PAX2: variants seen among roughly 807,000 people sequenced by gnomAD.
PAX2 encodes paired box protein Pax-2.
A neutral mutation model predicts 41.7 loss-of-function variants in PAX2; 9 were observed. The ratio of observed to expected loss-of-function variants is 0.22; its 90% confidence interval spans 0.13 to 0.38. The LOEUF is 0.38. Among genes scored for constraint, PAX2 ranks in the 10% least tolerant of loss-of-function variants. The pLI is 1.00. For synonymous variants in PAX2, 221 were observed against 212.7 expected (o/e 1.04, Z -0.34); for missense variants, 418 against 531.6 (o/e 0.79, Z 2.10).
Position 100,829,457 on chromosome 10 carries a change from T to G in PAX2, c.*1838T>G. On this transcript the variant is annotated 3_prime_UTR_variant, in exon 10 of 10. Transcript: ENST00000355243. ...GGCGGCCGAAGGCCGGGCCGCCCCG[T>G]CCCGCCCCGTAGTTGCTCTTTCGGT... is the stretch of plus-strand genomic sequence containing the variant. The G allele has an allele frequency of 4.9e-6, 1 of 205,910 alleles. No homozygotes were observed. The allele number at this position is 205,910 out of a possible 1,614,324, so 12.8% of individuals were successfully genotyped here.
At chr10:100,804,977 TTC>T (rs1218429788) in intron 5 of PAX2, among the ~76,000 whole-genome samples, 11 of 71,908 alleles carry the variant, frequency 1.5e-4, no homozygotes, top group Admixed American at 2.7e-4. Context: ...CTCTCTCTCC[TTC>T]TCTCTCTCTC....
rs1367276466 is a variant in PAX2, at chr10:100,827,061, C to T, written c.1074C>T (p.Asn358=). ...PYSHPQYTAY[N]EAWRFSNPAL... is the part of the protein sequence containing the mutation. ...GCCACCCCCAGTACACGGCCTACAA[C>T]GAGGCTTGGAGATTCAGCAACCCCG... is the stretch of plus-strand genomic sequence containing the variant. The change falls in exon 9 of 10, where the codon AAC becomes AAT. Residue 358 remains asparagine, a synonymous_variant. Coordinates refer to ENST00000355243, the MANE Select transcript of PAX2 (RefSeq NM_000278.5). This position sits in a 1 kb window ranked among gnomAD's most constrained non-coding sequence, Gnocchi z 8.5. 1.2e-6 allele frequency: 2 copies of T among 1,613,636 alleles called. No individual in the cohort carries two copies. The highest frequency in any genetic ancestry group is 1.1e-5 in the South Asian group (1 of 91,086).
rs1305336302 is a variant in PAX2, at chr10:100,746,289, TCTC to T, written c.31_33del (p.Ser11del). 2 of 1,610,902 alleles carry T rather than the reference TCTC, an allele frequency of 1.2e-6. No individual in the cohort carries two copies. The highest frequency in any genetic ancestry group is 8.5e-7 in the Non-Finnish European group (1 of 1,177,248). On this transcript the variant is annotated inframe_deletion, in exon 1 of 10. Coordinates refer to ENST00000355243, the MANE Select transcript of PAX2 (RefSeq NM_000278.5). ...GATATGCACTGCAAAGCAGACCCCT[TCTC>T]CGCGATGCACCGTGAGTACCGGCGC...
intron 5 of PAX2, chr10:100,787,161 A>C: frequency 2.5e-6 from 1 of 402,024 alleles, no homozygotes; most frequent in Non-Finnish European, 5.0e-6. Flanking sequence ...CTGGAGGCTA[A>C]CAGAGTCTCA....
intron 5 of PAX2, 104 bp downstream of exon 5, chr10:100,781,469 AT>A: frequency 8.1e-7 from 1 of 1,237,434 alleles, no homozygotes; most frequent in Non-Finnish European, 1.2e-6. Flanking sequence ...TGTGAGATCA[AT>A]TTTAGTAGCA....
At chr10:100,759,354 G>A (rs1845755630) in intron 3 of PAX2, among the ~76,000 whole-genome samples, 1 of 152,236 alleles carries the variant, frequency 6.6e-6, no homozygotes. Flanking sequence ...AGCCCTTTCT[G>A]AGAGGAAACC....
chr10:100,746,266 T>A lies in PAX2; in HGVS notation c.6T>A (p.Asp2Glu). Residue 2 changes from aspartate to glutamate, a missense_variant, in exon 1 of 10, where the codon GAT (aspartate) becomes GAA (glutamate). By Grantham distance (45) the Asp-to-Glu change is conservative. Transcript: ENST00000355243. ...TCCCGCTCCTCTGCCTCCCCATGGA[T>A]ATGCACTGCAAAGCAGACCCCTTCT... M[D>E]MHCKADPFSA... 1 of 1,613,522 alleles carries A rather than the reference T, an allele frequency of 6.2e-7. No individual in the cohort carries two copies. The highest frequency in any genetic ancestry group is 8.5e-7 in the Non-Finnish European group (1 of 1,179,656).
In PAX2 at chr10:100,791,262, T is replaced by C. The variant is rs192726262; in HGVS notation, c.616+9897T>C. On this transcript the variant is annotated intron_variant, in intron 5 of 9. Coordinates refer to ENST00000355243, the MANE Select transcript of PAX2 (RefSeq NM_000278.5). The surrounding 1 kb of genome is among the most constrained non-coding windows in gnomAD (Gnocchi z 4.5). ...CCTTTCCAGGACTGGGGCTGGGGCT[T>C]TATCCTGCAGGCAGAGCTTTTACAC... Among the ~76,000 whole-genome samples, 410 of 152,338 alleles carry C rather than the reference T, an allele frequency of 2.7e-3. 1 individual carries two copies. Among genetic ancestry groups the C allele is most frequent in the African/African-American group, 7.6e-3 (318 of 41,582 alleles).
In PAX2 at chr10:100,828,742, C is replaced by T; in HGVS notation, c.*1123C>T. 8.6e-6 allele frequency: 2 copies of T among 233,720 alleles called. No individual in the cohort carries two copies. Among genetic ancestry groups the T allele is most frequent in the African/African-American group, 2.2e-5 (1 of 45,452 alleles). The allele number at this position is 233,720 out of a possible 1,614,324, so 14.5% of individuals were successfully genotyped here. On this transcript the variant is annotated 3_prime_UTR_variant, in exon 10 of 10. Transcript: ENST00000355243. This position sits in a 1 kb window ranked among gnomAD's most constrained non-coding sequence, Gnocchi z 6.5. Reference sequence around the variant, plus strand: ...GCCCACTCCACTCCTCCCATCCCCTCCCAGCCTCCTCCTCCGGCAGGAACT... The same window carrying T: ...GCCCACTCCACTCCTCCCATCCCCTTCCAGCCTCCTCCTCCGGCAGGAACT...
Position 100,750,689 on chromosome 10 carries a change from C to T in PAX2, c.213-5C>T, listed in dbSNP as rs767757944. On this transcript the variant is annotated splice_region_variant and splice_polypyrimidine_tract_variant and intron_variant, in intron 2 of 9. Coordinates refer to ENST00000355243, the MANE Select transcript of PAX2 (RefSeq NM_000278.5). This position sits in a 1 kb window ranked among gnomAD's most constrained non-coding sequence, Gnocchi z 4.1. The stretch of plus-strand genomic sequence containing the variant: ...TGGCTGACCCCGCCGGCTTTCCCGG[C>T]GCAGGTACTACGAGACCGGCAGCAT... 2.9e-5 allele frequency: 46 copies of T among 1,613,636 alleles called. 1 individual carries two copies. The highest frequency in any genetic ancestry group is 2.2e-4 in the Admixed American group (13 of 60,010).
At position 100,808,112 on chromosome 10, in the gene PAX2, C is replaced by G. The variant is rs968804593; in HGVS notation, c.793-998C>G. Among the ~76,000 whole-genome samples, 4 of 152,266 alleles carry G rather than the reference C, an allele frequency of 2.6e-5. 1 individual carries two copies. The highest frequency in any genetic ancestry group is 2.6e-4 in the Admixed American group (4 of 15,300). ...CACAGTCATTTTTCCCCCTGAAACT[C>G]GGAGCAGGGCCCATAAAGCAAATCC... is the stretch of plus-strand genomic sequence containing the variant. On this transcript the variant is annotated intron_variant, in intron 6 of 9. Transcript: ENST00000355243.
intron 3 of PAX2, among the ~76,000 whole-genome samples, chr10:100,766,555 G>A (rs1300663083): frequency 6.6e-6 from 1 of 152,194 alleles, no homozygotes; most frequent in Non-Finnish European, 1.5e-5. Context: ...TTTGGACTAG[G>A]GGCTTAACTC....
chr10:100,751,349 C>T lies in PAX2; in HGVS notation c.410+458C>T, dbSNP rs117550630. On this transcript the variant is annotated intron_variant, in intron 3 of 9. Coordinates refer to ENST00000355243, the MANE Select transcript of PAX2 (RefSeq NM_000278.5). ...CCCTGCCAACTCCCACAAAGCTCACCTCCCAGGAGTCTGGTCTTGCTAGCC... is the reference window on the plus strand; with the variant it reads ...CCCTGCCAACTCCCACAAAGCTCACTTCCCAGGAGTCTGGTCTTGCTAGCC... 1.2e-3 allele frequency among the ~76,000 whole-genome samples: 184 copies of T among 152,352 alleles called. 3 individuals are homozygous for T. In the East Asian group the frequency reaches 0.034, roughly 28 times the overall value.
intron 3 of PAX2, among the ~76,000 whole-genome samples, chr10:100,777,238 A>T (rs931226388): frequency 1.3e-5 from 2 of 150,496 alleles, no homozygotes; most frequent in East Asian, 3.9e-4. Context: ...AGTAGCTGGG[A>T]TTACAGGTGC....
chr10:100,826,976 G>T lies in PAX2; in HGVS notation c.1022-33G>T. 6.7e-7 allele frequency: 1 copy of T among 1,491,334 alleles called. No individual in the cohort carries two copies. 92.4% of individuals were successfully genotyped at this position (1,491,334 alleles called of 1,614,324 possible). A position where few individuals can be genotyped will look rare whatever the true frequency, so the allele number is the denominator to read the frequency against. On this transcript the variant is annotated intron_variant, in intron 8 of 9. Coordinates refer to ENST00000355243, the MANE Select transcript of PAX2 (RefSeq NM_000278.5). The surrounding 1 kb of genome is among the most constrained non-coding windows in gnomAD (Gnocchi z 5.5). The stretch of plus-strand genomic sequence containing the variant: ...TCGTGGGGTCCGCCCTGGCTTGCAG[G>T]CGTCTGATCCCCACTCCCCGACCCT...
chr10:100,741,923 C>T (rs1475406026), upstream of PAX2, among the ~76,000 whole-genome samples: 1 of 152,204 alleles, frequency 6.6e-6, no homozygotes, highest in Non-Finnish European at 1.5e-5. Flanking sequence ...TCCCTCAGAC[C>T]CCGGTCCTAG....
chr10:100,787,877 T>G (rs2133912239), intron 5 of PAX2, among the ~76,000 whole-genome samples: 1 of 152,092 alleles, frequency 6.6e-6, no homozygotes, highest in South Asian at 2.1e-4. Flanking sequence ...AGGCAGTCAT[T>G]ACTGCATACC....
upstream of PAX2, among the ~76,000 whole-genome samples, chr10:100,744,018 A>C (rs1178987502): frequency 2.0e-5 from 3 of 152,178 alleles, no homozygotes; most frequent in African/African-American, 7.2e-5. Context: ...CAGGAGTGAG[A>C]GGCTCAGAAC....
At chr10:100,796,058 A>G (rs1270148499) in intron 5 of PAX2, among the ~76,000 whole-genome samples, 1 of 151,840 alleles carries the variant, frequency 6.6e-6, no homozygotes, top group Admixed American at 6.6e-5. Flanking sequence ...CCTCATATCC[A>G]TCCTTGGTTA....
Sources: gnomAD v4.1 joint callset for allele counts (sites outside exome capture counted in the v4.1 genomes callset) on GRCh38, gnomAD v4.1.1 for gene constraint, Gnocchi (gnomAD v3.1) non-coding constraint, MANE v1.5 for transcripts, NCBI Gene and HGNC (gene_info 2026-07-23, HGNC 2026-07-21) for gene names.